CNTNAP2: variants seen among roughly 807,000 people sequenced by gnomAD.
CNTNAP2 encodes the protein contactin associated protein 2, also known as contactin-associated protein-like 2.
A neutral mutation model predicts 155.2 loss-of-function variants in CNTNAP2; 98 were observed. The observed-to-expected ratio is 0.63, with a 90% CI of 0.54 to 0.75. CNTNAP2 has a LOEUF of 0.75. CNTNAP2 is among the 30% of genes least tolerant of loss of function. The probability of loss-of-function intolerance (pLI) is 0.00; values close to 1 mark genes in which losing one functional copy is unlikely to be tolerated. For synonymous variants in CNTNAP2, 651 were observed against 631.2 expected (o/e 1.03, Z -0.47); for missense variants, 1,727 against 1,688.1 (o/e 1.02, Z -0.40).
At chr7:148,100,287 C>A (rs559770267) in intron 15 of CNTNAP2, among the ~76,000 whole-genome samples, 16 of 152,308 alleles carry the variant, frequency 1.1e-4, no homozygotes, top group African/African-American at 3.8e-4. Flanking sequence ...GAACGAAACA[C>A]CTAGGTCCTT....
At chr7:147,566,865 C>A (rs1331103160) in intron 12 of CNTNAP2, among the ~76,000 whole-genome samples, 1 of 152,028 alleles carries the variant, frequency 6.6e-6, no homozygotes, top group East Asian at 1.9e-4. Flanking sequence ...GAAAAATATA[C>A]ATAATTGAGG....
chr7:147,351,341 A>G (rs1795965447), intron 9 of CNTNAP2, among the ~76,000 whole-genome samples: 1 of 151,744 alleles, frequency 6.6e-6, no homozygotes, highest in Admixed American at 6.6e-5. Context: ...AGCTTATTAT[A>G]TTTGTTCATA....
chr7:148,371,774 T>C (rs963650009), intron 21 of CNTNAP2, among the ~76,000 whole-genome samples: 1 of 152,200 alleles, frequency 6.6e-6, no homozygotes, highest in African/African-American at 2.4e-5. Flanking sequence ...ACACCCAGGC[T>C]CTGTGCTACA....
intron 12 of CNTNAP2, among the ~76,000 whole-genome samples, chr7:147,628,868 TAAA>T (rs60644349): frequency 0.028 from 3,267 of 117,168 alleles, 206 homozygotes; most frequent in Admixed American, 0.17. Context: ...CAACAGCAGT[TAAA>T]AAAAAAAAAA....
intron 3 of CNTNAP2, among the ~76,000 whole-genome samples, chr7:147,002,944 C>CAAAAAA (rs773401142): frequency 3.5e-3 from 183 of 52,082 alleles, no homozygotes; most frequent in Middle Eastern, 0.026. Context: ...ATGTTCCTTC[C>CAAAAAA]AAAAAAAAAA....
At chr7:146,120,652 C>T (rs1473919802) in intron 1 of CNTNAP2, among the ~76,000 whole-genome samples, 1 of 152,054 alleles carries the variant, frequency 6.6e-6, no homozygotes, top group Non-Finnish European at 1.5e-5. Context: ...TTGGTGGTTC[C>T]ATAAAATTAT....
At chr7:147,657,116 T>G (rs1795537298) in intron 13 of CNTNAP2, among the ~76,000 whole-genome samples, 1 of 152,202 alleles carries the variant, frequency 6.6e-6, no homozygotes, top group African/African-American at 2.4e-5. Flanking sequence ...GGGGCAGACT[T>G]CTTGAAAATA....
chr7:146,613,947 G>A (rs1230375683), intron 1 of CNTNAP2, among the ~76,000 whole-genome samples: 1 of 152,062 alleles, frequency 6.6e-6, no homozygotes, highest in Admixed American at 6.6e-5. Context: ...ATAAAAATAA[G>A]TAATTTATTA....
chr7:147,705,344 T>C (rs924973895), intron 13 of CNTNAP2, among the ~76,000 whole-genome samples: 3 of 152,178 alleles, frequency 2.0e-5, no homozygotes, highest in Non-Finnish European at 4.4e-5. Context: ...AATTTTCATG[T>C]ATTTCTGCAG....
chr7:146,186,806 G>A (rs547725430), intron 1 of CNTNAP2, among the ~76,000 whole-genome samples: 108 of 152,118 alleles, frequency 7.1e-4, no homozygotes, highest in Middle Eastern at 3.4e-3. Context: ...TTTATTTTTG[G>A]AACCAATAAT....
At chr7:147,785,728 A>G (rs1024955573) in intron 13 of CNTNAP2, among the ~76,000 whole-genome samples, 2 of 152,260 alleles carry the variant, frequency 1.3e-5, no homozygotes, top group Non-Finnish European at 2.9e-5. Flanking sequence ...GCAGTGGCTC[A>G]TGCCTGTAAT....
chr7:147,754,265 C>A (rs1797183421), intron 13 of CNTNAP2, among the ~76,000 whole-genome samples: 1 of 152,158 alleles, frequency 6.6e-6, no homozygotes, highest in Non-Finnish European at 1.5e-5. Flanking sequence ...GTACTAGACA[C>A]TTTTGGAAGC....
intron 11 of CNTNAP2, among the ~76,000 whole-genome samples, chr7:147,494,129 A>G (rs1183694948): frequency 6.6e-6 from 1 of 152,200 alleles, no homozygotes; most frequent in Non-Finnish European, 1.5e-5. Context: ...TCATCCCAGC[A>G]GCTCCTTTAC....
intron 9 of CNTNAP2, among the ~76,000 whole-genome samples, chr7:147,332,549 A>G (rs1052342578): frequency 6.6e-6 from 1 of 151,922 alleles, no homozygotes; most frequent in Non-Finnish European, 1.5e-5. Context: ...AGCTGAAAAA[A>G]AAGAGAAAAT....
At chr7:148,073,045 G>A (rs1046913275) in intron 15 of CNTNAP2, among the ~76,000 whole-genome samples, 1 of 152,108 alleles carries the variant, frequency 6.6e-6, no homozygotes, top group African/African-American at 2.4e-5. Context: ...ATCATCTCTG[G>A]CCTCTGCCTA....
chr7:147,593,456 G>T (rs1424047704), intron 12 of CNTNAP2, among the ~76,000 whole-genome samples: 1 of 151,832 alleles, frequency 6.6e-6, no homozygotes, highest in Admixed American at 6.6e-5. Flanking sequence ...CCATGTGATT[G>T]ATTTCACAGG....
intron 13 of CNTNAP2, chr7:147,704,383 G>T: frequency 6.1e-6 from 1 of 163,844 alleles, no homozygotes; most frequent in South Asian, 1.8e-4. Context: ...CATACCAAAT[G>T]GCTGTTTAAT....
intron 21 of CNTNAP2, among the ~76,000 whole-genome samples, chr7:148,274,870 C>G (rs1462280827): frequency 6.6e-6 from 1 of 152,166 alleles, no homozygotes; most frequent in Non-Finnish European, 1.5e-5. Flanking sequence ...TTGTGTGTAT[C>G]TGTTTTGTCA....
chr7:147,203,514 G>A (rs928064623), intron 8 of CNTNAP2, among the ~76,000 whole-genome samples: 1 of 152,176 alleles, frequency 6.6e-6, no homozygotes, highest in Non-Finnish European at 1.5e-5. Context: ...TTACAGGCAT[G>A]AGCCACCACG....
Sources: allele counts gnomAD v4.1 joint callset (sites outside exome capture counted in the v4.1 genomes callset), GRCh38; gene constraint gnomAD v4.1.1; transcripts MANE v1.5; gene names NCBI Gene and HGNC (gene_info 2026-07-23, HGNC 2026-07-21).